ATG4A: variants seen among roughly 807,000 people sequenced by gnomAD.
The protein encoded by ATG4A is autophagy related 4A cysteine peptidase.
In ATG4A, 22 loss-of-function variants were observed where a neutral mutation model predicts 38.4. The ratio of observed to expected loss-of-function variants is 0.57; its 90% CI spans 0.41 to 0.82. The LOEUF is 0.82. Ranked by LOEUF, ATG4A falls within the 40% of genes least tolerant of loss-of-function variation. ATG4A has a pLI of 0.00. For synonymous variants in ATG4A, 86 were observed against 100.7 expected (o/e 0.85, Z 0.88); for missense variants, 220 against 290.0 (o/e 0.76, Z 1.75).
intron 4 of ATG4A, 109 bp from the exon 5 acceptor site, chrX:108,133,948 C>G: frequency 3.5e-6 from 2 of 565,601 alleles, no homozygotes; most frequent in Non-Finnish European, 5.5e-6. Flanking sequence ...TCCCTGCCTT[C>G]TAGATGTGGT....
intron 1 of ATG4A, among the ~76,000 whole-genome samples, chrX:108,124,088 G>T (rs984089969): frequency 1.8e-5 from 2 of 112,222 alleles, no homozygotes; most frequent in African/African-American, 6.5e-5. Context: ...AGGGGTAGAG[G>T]GTAGGGTGGG....
intron 1 of ATG4A, among the ~76,000 whole-genome samples, chrX:108,113,813 A>G (rs1284514495): frequency 9.0e-6 from 1 of 111,652 alleles, no homozygotes; most frequent in African/African-American, 3.3e-5. Context: ...ACTGGCCCCC[A>G]TGATTCTATT....
chrX:108,137,133 T>C lies in ATG4A; in HGVS notation c.510T>C (p.Tyr170=), dbSNP rs766273007. The C allele has an allele frequency of 4.1e-6, 5 of 1,208,708 alleles. No individual in the cohort carries two copies. Among genetic ancestry groups the C allele is most frequent in the Non-Finnish European group, 4.5e-6 (4 of 893,366 alleles). The part of the protein sequence containing the change: ...LFDEWNSLAV[Y]VSMDNTVVIE... ...ACGAATGGAATTCCTTGGCTGTTTA[T>C]GTTTCAATGGATAACACAGTGGTCA... The change falls in exon 7 of 13, where the codon TAT becomes TAC. Residue 170 remains tyrosine, a synonymous_variant. Transcript: ENST00000372232.
At position 108,134,411 on chromosome X, in the gene ATG4A, A is replaced by G; in HGVS notation, c.467A>G (p.Lys156Arg). 1 of 1,205,349 alleles carries G rather than the reference A, an allele frequency of 8.3e-7. No homozygotes were observed. Among genetic ancestry groups the G allele is most frequent in the Non-Finnish European group, 1.1e-6 (1 of 891,111 alleles). ...CCAAATACAGTTGCACAGGTGTTAA[A>G]GTAAGTAAAAGAGTCTGGCATCTGC... is the stretch of plus-strand genomic sequence containing the variant. ...FGPNTVAQVLKKLALFDEWNS... is the reference protein window; with the variant it reads ...FGPNTVAQVLRKLALFDEWNS... The change falls in exon 6 of 13, where the codon AAA (lysine) becomes AGA (arginine). Residue 156 changes from lysine to arginine, a missense_variant and splice_region_variant. By Grantham distance (26) the Lys-to-Arg change is conservative (BLOSUM62 2). Coordinates refer to ENST00000372232, the MANE Select transcript of ATG4A (RefSeq NM_052936.5).
intron 1 of ATG4A, among the ~76,000 whole-genome samples, chrX:108,114,909 T>A (rs2032461028): frequency 8.9e-6 from 1 of 111,966 alleles, no homozygotes; most frequent in Non-Finnish European, 1.9e-5. Flanking sequence ...CTTAATGTAT[T>A]TATGTGATGA....
At chrX:108,098,016 G>T (rs1452816876) in intron 1 of ATG4A, among the ~76,000 whole-genome samples, 3 of 111,687 alleles carry the variant, frequency 2.7e-5, no homozygotes, top group Non-Finnish European at 5.6e-5. Context: ...CAACGTGCAG[G>T]TTTGTTACAT....
intron 9 of ATG4A, among the ~76,000 whole-genome samples, chrX:108,140,919 CATATATACAT>C (rs1214842429): frequency 8.5e-5 from 6 of 70,483 alleles, no homozygotes; most frequent in South Asian, 5.8e-4. Flanking sequence ...TGTACATATA[CATATATACAT>C]ATATATACAT....
chrX:108,109,409 C>T (rs2032289652), intron 1 of ATG4A, among the ~76,000 whole-genome samples: 1 of 111,842 alleles, frequency 8.9e-6, no homozygotes. Context: ...CACATATTTT[C>T]TCCCATTCTG....
rs779039296 is a variant in ATG4A, at chrX:108,131,348, C to T, written c.282C>T (p.His94=). ...TGGCTCAAGCCCTTATCTGTAGACACTTGGGAAGGGGTGAGTTAAATTTGT... is the reference window on the plus strand; with the variant it reads ...TGGCTCAAGCCCTTATCTGTAGACATTTGGGAAGGGGTGAGTTAAATTTGT... ...MMLAQALICR[H]LGRDWSWEKQ... The change falls in exon 4 of 13, where the codon CAC becomes CAT. Residue 94 remains histidine (H), a synonymous_variant. Coordinates refer to ENST00000372232, the MANE Select transcript of ATG4A (RefSeq NM_052936.5). 3 of 1,210,183 alleles carry T rather than the reference C, an allele frequency of 2.5e-6. No homozygotes were observed. The highest frequency in any genetic ancestry group is 3.4e-6 in the Non-Finnish European group (3 of 894,188).
chrX:108,150,769 A>T (rs1284982611), intron 10 of ATG4A, among the ~76,000 whole-genome samples: 1 of 112,171 alleles, frequency 8.9e-6, no homozygotes, highest in African/African-American at 3.2e-5. Context: ...TGATTCAGTT[A>T]TCTCTACCTG....
intron 1 of ATG4A, among the ~76,000 whole-genome samples, chrX:108,096,771 T>C (rs1166218507): frequency 2.7e-5 from 3 of 110,653 alleles, no homozygotes; most frequent in Non-Finnish European, 5.7e-5. Flanking sequence ...TAAGGGGAAG[T>C]TATCCTTTGA....
Position 108,126,197 on chromosome X carries a change from G to T in ATG4A, c.121+10G>T. 8.6e-7 allele frequency: 1 copy of T among 1,159,185 alleles called. No homozygotes were observed. Among genetic ancestry groups the T allele is most frequent in the South Asian group, 1.8e-5 (1 of 54,868 alleles). On this transcript the variant is annotated intron_variant, in intron 2 of 12. Coordinates refer to ENST00000372232, the MANE Select transcript of ATG4A (RefSeq NM_052936.5). ...CATCTCCTTAAAACAGGTAAGATTTGGTAGCATTTGTCTGTAAGAACCCAG... is the reference window on the plus strand; with the variant it reads ...CATCTCCTTAAAACAGGTAAGATTTTGTAGCATTTGTCTGTAAGAACCCAG...
chrX:108,103,995 C>T (rs894754586), intron 1 of ATG4A, among the ~76,000 whole-genome samples: 2 of 111,256 alleles, frequency 1.8e-5, no homozygotes, highest in African/African-American at 6.5e-5. Flanking sequence ...TATAGGTGCC[C>T]GACACCATGG....
At chrX:108,118,298 T>C (rs1435660901) in intron 1 of ATG4A, among the ~76,000 whole-genome samples, 1 of 111,990 alleles carries the variant, frequency 8.9e-6, no homozygotes, top group Non-Finnish European at 1.9e-5. Context: ...GACTTTCTCA[T>C]TGGTCTCCTT....
intron 1 of ATG4A, among the ~76,000 whole-genome samples, chrX:108,104,299 G>A (rs1343944423): frequency 8.9e-6 from 1 of 112,045 alleles, no homozygotes; most frequent in Non-Finnish European, 1.9e-5. Flanking sequence ...CAACTCAAAT[G>A]TCTCTCTTTA....
chrX:108,140,663 A>G (rs2033217188), intron 9 of ATG4A, among the ~76,000 whole-genome samples: 1 of 102,862 alleles, frequency 9.7e-6, no homozygotes, highest in African/African-American at 3.5e-5. Context: ...ACAAAGTATT[A>G]TATACATTTT....
At chrX:108,131,732 ATATCTGCCT>A (rs1371562582) in intron 4 of ATG4A, among the ~76,000 whole-genome samples, 2 of 111,958 alleles carry the variant, frequency 1.8e-5, no homozygotes, top group Admixed American at 1.9e-4. Context: ...CTCATTTAAG[ATATCTGCCT>A]GGTGAAGGAT....
Position 108,141,059 on chromosome X carries a change from TGTATATATATAC to T in ATG4A, c.814+2869_814+2880del, listed in dbSNP as rs199586789. On this transcript the variant is annotated intron_variant, in intron 9 of 12. Coordinates refer to ENST00000372232, the MANE Select transcript of ATG4A (RefSeq NM_052936.5). ...ATATACATATATATACATATATACG[TGTATATATATAC>T]ATATATATATATATATATATATATA... Among the ~76,000 whole-genome samples, 204 of 30,316 alleles carry T rather than the reference TGTATATATATAC, an allele frequency of 6.7e-3. 8 individuals carry two copies. The highest frequency in any genetic ancestry group is 0.011 in the African/African-American group (82 of 7,603). The allele number at this position is 30,316 out of a possible 115,157, so 26.3% of individuals were successfully genotyped here. A position where few individuals can be genotyped will look rare whatever the true frequency, so the allele number is the denominator to read the frequency against.
At chrX:108,088,917 G>A, upstream of ATG4A, 1 of 854,179 alleles carries the variant, frequency 1.2e-6, no homozygotes, top group Non-Finnish European at 1.7e-6. Context: ...AAAAATACTG[G>A]TGCTGGCAAA....
Sources: allele counts gnomAD v4.1 joint callset (sites outside exome capture counted in the v4.1 genomes callset), GRCh38; gene constraint gnomAD v4.1.1; transcripts MANE v1.5; gene names NCBI Gene and HGNC (gene_info 2026-07-23, HGNC 2026-07-21).